Variants in RBMS3 observed in about 807,000 individuals in gnomAD.
RBMS3 encodes RNA binding motif single stranded interacting protein 3.
A neutral mutation model predicts 66.8 loss-of-function variants in RBMS3; 27 were observed. The ratio of observed to expected loss-of-function variants is 0.40; its 90% confidence interval spans 0.30 to 0.56. The LOEUF is 0.56. RBMS3 is among the 20% of genes least tolerant of loss of function. RBMS3 has a pLI of 0.40. For missense variants in RBMS3, 513 were observed against 549.5 expected (o/e 0.93, Z 0.66); for synonymous variants, 188 against 183.0 (o/e 1.03, Z -0.22).
At chr3:29,363,521 G>A (rs2037724501) in intron 1 of RBMS3, among the ~76,000 whole-genome samples, 1 of 152,146 alleles carries the variant, frequency 6.6e-6, no homozygotes, top group South Asian at 2.1e-4. Context: ...CGGGCGTGGT[G>A]GCTCACATTG....
chr3:29,680,507 A>T (rs1039587948), intron 4 of RBMS3, among the ~76,000 whole-genome samples: 1 of 152,332 alleles, frequency 6.6e-6, no homozygotes, highest in Admixed American at 6.5e-5. Flanking sequence ...ACTTGGTGCA[A>T]ACAGTGACTG....
At chr3:29,296,101 G>T (rs191450215) in intron 1 of RBMS3, among the ~76,000 whole-genome samples, 26 of 151,884 alleles carry the variant, frequency 1.7e-4, no homozygotes, top group African/African-American at 5.3e-4. Context: ...TCCTTCCTTT[G>T]TGACACTATC....
intron 4 of RBMS3, among the ~76,000 whole-genome samples, chr3:29,625,297 A>T (rs944728373): frequency 6.6e-6 from 1 of 152,094 alleles, no homozygotes; most frequent in African/African-American, 2.4e-5. Flanking sequence ...TACCACAGTT[A>T]TTTTTTTATA....
intron 4 of RBMS3, among the ~76,000 whole-genome samples, chr3:29,636,038 ATGTGTG>A (rs10565409): frequency 0.027 from 3,889 of 145,262 alleles, 105 homozygotes; most frequent in Admixed American, 0.066. Flanking sequence ...GTCATCAAGA[ATGTGTG>A]TGTGTGTGTG....
intron 11 of RBMS3, among the ~76,000 whole-genome samples, chr3:29,941,732 A>G (rs775838995): frequency 6.6e-6 from 1 of 151,860 alleles, no homozygotes; most frequent in Admixed American, 6.6e-5. Flanking sequence ...GCCAAAGAAC[A>G]TGAACAGATA....
Position 29,679,038 on chromosome 3 carries a change from A to G in RBMS3, c.400-60682A>G, listed in dbSNP as rs1217881999. On this transcript the variant is annotated intron_variant, in intron 4 of 14. Transcript: ENST00000383767. ...AAATGGTTTGAGCAAGCACTGCTCC[A>G]GATAGTCCTAGAATCACAGCTTCAG... 2.0e-5 allele frequency among the ~76,000 whole-genome samples: 3 copies of G among 152,124 alleles called. No individual in the cohort carries two copies. In the East Asian group the frequency reaches 5.8e-4, roughly 29 times the overall value.
intron 4 of RBMS3, among the ~76,000 whole-genome samples, chr3:29,715,825 T>G (rs928315425): frequency 6.6e-6 from 1 of 152,160 alleles, no homozygotes; most frequent in African/African-American, 2.4e-5. Flanking sequence ...ATTGTCCAAT[T>G]TAGTGCATCA....
intron 6 of RBMS3, among the ~76,000 whole-genome samples, chr3:29,862,964 A>C (rs1051662523): frequency 6.6e-5 from 10 of 152,156 alleles, no homozygotes; most frequent in African/African-American, 2.4e-4. Flanking sequence ...TTTCTAATCA[A>C]AGAATTTGGA....
At chr3:29,315,417 T>A (rs1056702642) in intron 1 of RBMS3, among the ~76,000 whole-genome samples, 1 of 151,860 alleles carries the variant, frequency 6.6e-6, no homozygotes, top group African/African-American at 2.4e-5. Flanking sequence ...CCTTCTCATG[T>A]ATACACACAT....
At chr3:29,535,710 CTTTTTTTT>C (rs149022808) in intron 3 of RBMS3, among the ~76,000 whole-genome samples, 14 of 39,732 alleles carry the variant, frequency 3.5e-4, no homozygotes, top group Admixed American at 1.0e-3. Flanking sequence ...GATCATTGCT[CTTTTTTTT>C]TTTTTTTTTT....
At chr3:29,761,843 CA>C (rs1305627346) in intron 5 of RBMS3, among the ~76,000 whole-genome samples, 1 of 152,108 alleles carries the variant, frequency 6.6e-6, no homozygotes, top group African/African-American at 2.4e-5. Context: ...ACACATTTTA[CA>C]CATTTCACAC....
At chr3:29,904,463 A>T (rs1282504884) in intron 10 of RBMS3, among the ~76,000 whole-genome samples, 1 of 151,940 alleles carries the variant, frequency 6.6e-6, no homozygotes, top group Non-Finnish European at 1.5e-5. Flanking sequence ...AATGTTCTGG[A>T]TGTCAATAAA....
At chr3:29,751,372 C>G (rs1183142125) in intron 5 of RBMS3, among the ~76,000 whole-genome samples, 4 of 152,134 alleles carry the variant, frequency 2.6e-5, no homozygotes, top group African/African-American at 9.7e-5. Context: ...TTGTAATTTT[C>G]TATTAAAAAT....
intron 4 of RBMS3, among the ~76,000 whole-genome samples, chr3:29,708,227 A>G (rs1320517851): frequency 1.3e-5 from 2 of 152,212 alleles, no homozygotes; most frequent in African/African-American, 2.4e-5. Context: ...AGGCAAGATA[A>G]CAGATTGAAG....
chr3:29,803,072 G>C (rs542118273), intron 6 of RBMS3, among the ~76,000 whole-genome samples: 4 of 152,250 alleles, frequency 2.6e-5, no homozygotes, highest in African/African-American at 9.6e-5. Context: ...GATACTCACA[G>C]CCCGTTAAGG....
intron 4 of RBMS3, among the ~76,000 whole-genome samples, chr3:29,702,242 C>A (rs572778595): frequency 1.2e-4 from 19 of 152,022 alleles, no homozygotes; most frequent in African/African-American, 4.6e-4. Flanking sequence ...GTGTCTAGCT[C>A]AAGGTTTGTA....
intron 2 of RBMS3, among the ~76,000 whole-genome samples, chr3:29,442,600 T>A (rs2041669160): frequency 6.6e-6 from 1 of 152,124 alleles, no homozygotes; most frequent in African/African-American, 2.4e-5. Flanking sequence ...CATCTGGAGC[T>A]CAGAGAGGTG....
At chr3:29,943,983 G>A (rs1012221956) in intron 11 of RBMS3, among the ~76,000 whole-genome samples, 3 of 151,554 alleles carry the variant, frequency 2.0e-5, no homozygotes, top group Non-Finnish European at 4.4e-5. Context: ...AAACTGTACT[G>A]TCCCAGCAAG....
intron 4 of RBMS3, among the ~76,000 whole-genome samples, chr3:29,722,801 T>G (rs924473782): frequency 6.6e-6 from 1 of 152,072 alleles, no homozygotes; most frequent in African/African-American, 2.4e-5. Context: ...TCCTTCTCAG[T>G]GTATCATATC....
Sources: gnomAD v4.1 joint callset for allele counts (sites outside exome capture counted in the v4.1 genomes callset) on GRCh38, gnomAD v4.1.1 for gene constraint, MANE v1.5 for transcripts, NCBI Gene and HGNC (gene_info 2026-07-23, HGNC 2026-07-21) for gene names.